Variants in DMTF1 observed in about 807,000 individuals in gnomAD.
DMTF1 encodes the protein cyclin-D-binding Myb-like transcription factor 1.
A neutral mutation model predicts 91.1 loss-of-function variants in DMTF1; 39 were observed. That is an observed-to-expected ratio of 0.43 (90% CI 0.33 to 0.56). DMTF1 has a LOEUF of 0.56. Ranked by LOEUF, DMTF1 falls within the 20% of genes least tolerant of loss-of-function variation. The pLI is 0.05. For missense variants in DMTF1, 750 were observed against 914.5 expected, an observed-to-expected ratio of 0.82 and a Z score of 2.32; for synonymous variants, 338 against 309.5, an observed-to-expected ratio of 1.09 and a Z score of -0.97.
intron 1 of DMTF1, 49 bp from the exon 2 acceptor site, chr7:87,163,446 C>T (rs184705669): frequency 3.9e-5 from 6 of 152,286 alleles, no homozygotes; most frequent in Admixed American, 1.3e-4. Flanking sequence ...CTATACTATT[C>T]GTTTGTTCTT....
In DMTF1 at chr7:87,184,479, A is replaced by G. The variant is rs1224170483; in HGVS notation, c.903A>G (p.Thr301=). 1.2e-6 allele frequency: 2 copies of G among 1,614,052 alleles called. No homozygotes were observed. The highest frequency in any genetic ancestry group is 2.7e-5 in the African/African-American group (2 of 75,054). The change falls in exon 11 of 18, where the codon ACA becomes ACG. Residue 301 remains threonine (T), a synonymous_variant. Coordinates refer to ENST00000331242, the MANE Select transcript of DMTF1 (RefSeq NM_001142327.2). ...LTSTEPGDIV[T]QGVSWAAVAE... ...GCACTGAGCCAGGTGACATAGTCAC[A>G]CAGGGTGTGTCTTGGGCAGCTGTGG...
chr7:87,183,972 A>G (rs997002937), intron 10 of DMTF1, among the ~76,000 whole-genome samples: 18 of 152,142 alleles, frequency 1.2e-4, no homozygotes, highest in African/African-American at 4.1e-4. Flanking sequence ...ATTCATTCCT[A>G]TAAGTAATGG....
At chr7:87,154,356 C>A (rs1167756334) in intron 1 of DMTF1, 1 of 152,556 alleles carries the variant, frequency 6.6e-6, no homozygotes, top group Non-Finnish European at 1.5e-5. Flanking sequence ...CTGTATGCCA[C>A]CAAACAAGCT....
chr7:87,188,274 C>A lies in DMTF1; in HGVS notation c.1384C>A (p.Gln462Lys), dbSNP rs1182165639. Residue 462 changes from glutamine (Q) to lysine (K), a missense_variant, in exon 13 of 18, where the codon CAG (glutamine) becomes AAG (lysine). Transcript: ENST00000331242. ...AISSSPMAAL[Q>K]IPVQITHVSS... ...CTCTTCTAGCCCCATGGCAGCATTGCAGATTCCAGTCCAGATCACCCATGT... is the reference window on the plus strand; with the variant it reads ...CTCTTCTAGCCCCATGGCAGCATTGAAGATTCCAGTCCAGATCACCCATGT... 3.1e-6 allele frequency: 5 copies of A among 1,613,818 alleles called. No individual in the cohort carries two copies. The highest frequency in any genetic ancestry group is 1.3e-5 in the African/African-American group (1 of 74,916).
At chr7:87,171,884 C>A (rs905557222) in intron 5 of DMTF1, among the ~76,000 whole-genome samples, 1 of 152,120 alleles carries the variant, frequency 6.6e-6, no homozygotes, top group African/African-American at 2.4e-5. Flanking sequence ...AATACTACTG[C>A]TATTGCTTAA....
intron 1 of DMTF1, among the ~76,000 whole-genome samples, chr7:87,159,170 T>TACATTTG (rs1791568166): frequency 6.6e-6 from 1 of 152,162 alleles, no homozygotes; most frequent in South Asian, 2.1e-4. Context: ...GGCATATAAC[T>TACATTTG]ACATTTGTCA....
At chr7:87,172,723 C>G (rs1201853505) in intron 5 of DMTF1, among the ~76,000 whole-genome samples, 1 of 152,210 alleles carries the variant, frequency 6.6e-6, no homozygotes, top group Non-Finnish European at 1.5e-5. Context: ...AGGCTAATAC[C>G]TCATACGGTA....
chr7:87,176,217 ACT>A (rs1247256952), intron 7 of DMTF1, among the ~76,000 whole-genome samples: 1 of 152,100 alleles, frequency 6.6e-6, no homozygotes, highest in African/African-American at 2.4e-5. Context: ...GAATTTTAAA[ACT>A]CTAATTCTTC....
In DMTF1 at chr7:87,195,337, T is replaced by C; in HGVS notation, c.*197T>C. On this transcript the variant is annotated 3_prime_UTR_variant, in exon 18 of 18. Transcript: ENST00000331242. ...CATCTGAGGTTGAGTTTTATGACAG[T>C]ATGTAGTTGAGTGGAGGCTGGGAGT... 1 of 459,718 alleles carries C rather than the reference T, an allele frequency of 2.2e-6. No homozygotes were observed. The highest frequency in any genetic ancestry group is 3.9e-6 in the Non-Finnish European group (1 of 257,746). 28.5% of individuals were successfully genotyped at this position (459,718 alleles called of 1,614,324 possible).
Position 87,195,131 on chromosome 7 carries a change from C to G in DMTF1, c.2274C>G (p.Asn758Lys), listed in dbSNP as rs573805591. 1 of 1,606,550 alleles carries G rather than the reference C, an allele frequency of 6.2e-7. No homozygotes were observed. The highest frequency in any genetic ancestry group is 1.1e-5 in the South Asian group (1 of 90,864). ...EDSKDVEDLV[N>K]CH is the part of the protein sequence containing the mutation. ...CAAAGGATGTCGAAGATTTGGTAAA[C>G]TGTCATTAGAATAATTCTTAGAAAT... The change falls in exon 18 of 18, where the codon AAC becomes AAG. Residue 758 changes from asparagine (N) to lysine (K), a missense_variant. By Grantham distance (94) the Asn-to-Lys change is moderately conservative (BLOSUM62 0). This residue lies in a region of DMTF1 where 410 missense variants were observed against 420.2 expected (regional missense o/e 0.98). Coordinates refer to ENST00000331242, the MANE Select transcript of DMTF1 (RefSeq NM_001142327.2).
At chr7:87,189,965 G>T (rs1390971965) in intron 13 of DMTF1, among the ~76,000 whole-genome samples, 3 of 152,040 alleles carry the variant, frequency 2.0e-5, no homozygotes, top group Non-Finnish European at 4.4e-5. Flanking sequence ...ATTGGTAAGG[G>T]CATTAGATTC....
chr7:87,193,736 G>A lies in DMTF1; in HGVS notation c.1662G>A (p.Leu554=), dbSNP rs1014406545. 6.3e-7 allele frequency: 1 copy of A among 1,597,542 alleles called. No individual in the cohort carries two copies. Among genetic ancestry groups the A allele is most frequent in the Non-Finnish European group, 8.5e-7 (1 of 1,172,318 alleles). ...TTAATGTTTTATAGCCAGAACATTT[G>A]TTGAACACAAGTGATAATGTTACAG... is the stretch of plus-strand genomic sequence containing the variant. ...IIVHALSPEH[L]LNTSDNVTVQ... Residue 554 remains leucine, a synonymous_variant, in exon 16 of 18, where the codon TTG becomes TTA. Coordinates refer to ENST00000331242, the MANE Select transcript of DMTF1 (RefSeq NM_001142327.2).
chr7:87,187,229 G>GT (rs1798655075), intron 12 of DMTF1: 1 of 152,058 alleles, frequency 6.6e-6, no homozygotes, highest in Non-Finnish European at 1.5e-5. Context: ...TGAAAATGTG[G>GT]TTTTTTAAAA....
At chr7:87,186,686 G>A (rs1374106553) in intron 12 of DMTF1, 1 of 152,194 alleles carries the variant, frequency 6.6e-6, no homozygotes, top group Admixed American at 6.5e-5. Context: ...ACAGTATTTG[G>A]TACAGTAACA....
chr7:87,195,002 A>C (rs986210850), intron 17 of DMTF1, 29 bp from the exon 18 acceptor site: 1 of 1,562,758 alleles, frequency 6.4e-7, no homozygotes, highest in Non-Finnish European at 8.8e-7. Flanking sequence ...AAATATATAC[A>C]TTTAAGACTA....
chr7:87,156,497 A>C (rs1790759906), intron 1 of DMTF1, among the ~76,000 whole-genome samples: 3 of 152,142 alleles, frequency 2.0e-5, no homozygotes, highest in East Asian at 1.9e-4. Context: ...TCTGCTGCTC[A>C]AACTTTTCCA....
At chr7:87,194,655 G>A (rs753541706) in intron 16 of DMTF1, 29 bp from the exon 17 acceptor site, 2 of 1,537,188 alleles carry the variant, frequency 1.3e-6, no homozygotes, top group Non-Finnish European at 9.0e-7. Flanking sequence ...AAGAATATGA[G>A]TCAATATTTT....
chr7:87,152,826 G>C (rs971021894), intron 1 of DMTF1: 1 of 155,166 alleles, frequency 6.4e-6, no homozygotes, highest in African/African-American at 2.4e-5. Context: ...GCACAGCGGC[G>C]ATCCGGCGGG....
At chr7:87,188,513 T>C (rs1291184189) in intron 13 of DMTF1, among the ~76,000 whole-genome samples, 2 of 152,220 alleles carry the variant, frequency 1.3e-5, no homozygotes, top group African/African-American at 2.4e-5. Context: ...CCAACCATTA[T>C]AAACCATTTG....
Sources: allele counts gnomAD v4.1 joint callset (sites outside exome capture counted in the v4.1 genomes callset), GRCh38; gene constraint gnomAD v4.1.1; regional missense constraint gnomAD v4.1.1; transcripts MANE v1.5; gene names NCBI Gene and HGNC (gene_info 2026-07-23, HGNC 2026-07-21).